The following C18orf54 variants were observed in gnomAD, a reference collection of about 807,000 sequenced individuals.
C18orf54 encodes the protein chromosome 18 open reading frame 54.
C18orf54 carries 49 observed loss-of-function variants against 49.3 expected under a neutral mutation model. The ratio of observed to expected loss-of-function variants is 0.99; its 90% CI spans 0.79 to 1.26. The LOEUF (loss-of-function observed/expected upper bound fraction) is 1.26, where lower values mean the gene tolerates loss of function less well. C18orf54 is among the 50% of genes most tolerant of loss of function. C18orf54 has a pLI of 0.00. For missense variants in C18orf54, 687 were observed against 620.6 expected, an observed-to-expected ratio of 1.11 and a Z score of -1.14; for synonymous variants, 211 against 216.6, an observed-to-expected ratio of 0.97 and a Z score of 0.23.
At chr18:54,376,565 C>A (rs1176021117) in intron 8 of C18orf54, among the ~76,000 whole-genome samples, 1 of 152,180 alleles carries the variant, frequency 6.6e-6, no homozygotes, top group Non-Finnish European at 1.5e-5. Context: ...AACTCCTGAC[C>A]TCAGGTGATC....
rs144542525 is a variant in C18orf54, at chr18:54,372,595, C to A, written c.1456C>A (p.Gln486Lys). The change falls in exon 7 of 9, where the codon CAA (glutamine) becomes AAA (lysine). Residue 486 changes from glutamine (Q) to lysine (K), a missense_variant and splice_region_variant. Coordinates refer to ENST00000620105, the MANE Select transcript of C18orf54 (RefSeq NM_001288980.2). The stretch of plus-strand genomic sequence containing the variant: ...CACAGATCCAAAAGAAGAGATTAAA[C>A]AAGTAAGCACAAACATGATTTATGA... ...KTTDPKEEIK[Q>K]VSEDDFSKLQ... 3 of 1,587,964 alleles carry A rather than the reference C, an allele frequency of 1.9e-6. No homozygotes were observed. In the Admixed American group the frequency reaches 5.3e-5, roughly 28 times the overall value.
intron 3 of C18orf54, among the ~76,000 whole-genome samples, chr18:54,361,325 T>G (rs1186089347): frequency 6.6e-6 from 1 of 152,194 alleles, no homozygotes; most frequent in African/African-American, 2.4e-5. Context: ...CAACCAATAT[T>G]GAGTGACCAA....
At position 54,360,636 on chromosome 18, in the gene C18orf54, G is replaced by A. The variant is rs776868526; in HGVS notation, c.64G>A (p.Ala22Thr). The change falls in exon 3 of 9, where the codon GCA (alanine) becomes ACA (threonine). Residue 22 changes from alanine to threonine, a missense_variant. Physicochemically the swap from Ala to Thr is moderately conservative, Grantham distance 58. Coordinates refer to ENST00000620105, the MANE Select transcript of C18orf54 (RefSeq NM_001288980.2). ...SQESSVSALL[A>T]SCTLSGSNSS... ...GGAATCTTCAGTATCTGCCCTGCTG[G>A]CAAGCTGCACCCTGAGTGGTAGTAA... 1.2e-6 allele frequency: 2 copies of A among 1,614,036 alleles called. No homozygotes were observed. Among genetic ancestry groups the A allele is most frequent in the East Asian group, 2.2e-5 (1 of 44,878 alleles).
At chr18:54,362,687 G>C (rs537547737) in intron 4 of C18orf54, 84 bp from the exon 5 acceptor site, 2 of 1,231,106 alleles carry the variant, frequency 1.6e-6, no homozygotes, top group Admixed American at 5.3e-5. Context: ...CAAATGATCA[G>C]AACTCTTGTT....
chr18:54,358,416 AT>A (rs2089191673), intron 1 of C18orf54, among the ~76,000 whole-genome samples: 1 of 152,196 alleles, frequency 6.6e-6, no homozygotes, highest in Non-Finnish European at 1.5e-5. Context: ...CCTTCAGTCC[AT>A]TGCTGCGCTC....
intron 8 of C18orf54, 75 bp from the exon 9 acceptor site, chr18:54,378,099 A>ATTTG (rs2089606116): frequency 8.9e-7 from 1 of 1,125,774 alleles, no homozygotes; most frequent in East Asian, 2.7e-5. Flanking sequence ...AACTTTATTT[A>ATTTG]TTTTTTTGCT....
In C18orf54 at chr18:54,360,639, A is replaced by C; in HGVS notation, c.67A>C (p.Ser23Arg). ...QESSVSALLA[S>R]CTLSGSNSSN... ...ATCTTCAGTATCTGCCCTGCTGGCA[A>C]GCTGCACCCTGAGTGGTAGTAATTC... Residue 23 changes from serine to arginine, a missense_variant, in exon 3 of 9, where the codon AGC (serine) becomes CGC (arginine). Coordinates refer to ENST00000620105, the MANE Select transcript of C18orf54 (RefSeq NM_001288980.2). 1 of 1,614,144 alleles carries C rather than the reference A, an allele frequency of 6.2e-7. No individual in the cohort carries two copies.
intron 5 of C18orf54, among the ~76,000 whole-genome samples, chr18:54,364,878 A>G (rs982016454): frequency 2.6e-5 from 4 of 152,064 alleles, no homozygotes; most frequent in African/African-American, 7.2e-5. Flanking sequence ...TGTAAATGTT[A>G]AAAAAAGATT....
chr18:54,377,708 A>T (rs990417335), intron 8 of C18orf54, among the ~76,000 whole-genome samples: 1 of 152,220 alleles, frequency 6.6e-6, no homozygotes, highest in African/African-American at 2.4e-5. Context: ...TCAGATCTGT[A>T]ACTAATCCTT....
chr18:54,362,809 AAT>A lies in C18orf54; in HGVS notation c.1112_1113del (p.Asn371ThrfsTer6). ...ATTGCTTATCTTGAAGGCCAAGAGA[AAT>A]CTAGAGCAGTGTACTGAAGAATTAC... The part of the protein sequence containing the change: ...IELLILKAKR[N>X]LEQCTEELPK... On this transcript the variant is annotated frameshift_variant, in exon 5 of 9. Coordinates refer to ENST00000620105, the MANE Select transcript of C18orf54 (RefSeq NM_001288980.2). LOFTEE classifies it high-confidence loss of function. 2 of 1,609,218 alleles carry A rather than the reference AAT, an allele frequency of 1.2e-6. No homozygotes were observed. Among genetic ancestry groups the A allele is most frequent in the South Asian group, 1.1e-5 (1 of 89,554 alleles).
intron 8 of C18orf54, 54 bp from the exon 9 acceptor site, chr18:54,378,120 G>A: frequency 2.2e-6 from 3 of 1,354,808 alleles, no homozygotes; most frequent in Non-Finnish European, 2.0e-6. Context: ...GTCTGCATTG[G>A]CTATTCAGTT....
intron 2 of C18orf54, among the ~76,000 whole-genome samples, 190 bp downstream of exon 2, chr18:54,359,060 A>G (rs1787836): frequency 0.067 from 10,182 of 152,238 alleles, 388 homozygotes; most frequent in African/African-American, 0.087. Flanking sequence ...TTTTGGGGAA[A>G]AGTTGGAAAA....
intron 5 of C18orf54, among the ~76,000 whole-genome samples, chr18:54,364,687 A>G (rs1339273737): frequency 7.6e-6 from 1 of 131,660 alleles, no homozygotes; most frequent in Admixed American, 8.1e-5. Flanking sequence ...GAATAGCATA[A>G]TGAACCTCTG....
chr18:54,373,682 T>G (rs1458886206), intron 7 of C18orf54, among the ~76,000 whole-genome samples: 1 of 151,834 alleles, frequency 6.6e-6, no homozygotes, highest in East Asian at 1.9e-4. Context: ...TGAGACAAAC[T>G]ATATAAAGTA....
At chr18:54,375,841 C>T (rs1199919810) in intron 8 of C18orf54, among the ~76,000 whole-genome samples, 1 of 151,978 alleles carries the variant, frequency 6.6e-6, no homozygotes, top group African/African-American at 2.4e-5. Context: ...CTTAATTTGT[C>T]TTTACATTTC....
At chr18:54,361,230 T>G (rs373152688) in intron 3 of C18orf54, among the ~76,000 whole-genome samples, 8 of 152,232 alleles carry the variant, frequency 5.3e-5, no homozygotes, top group African/African-American at 1.9e-4. Context: ...GTTCTCTATG[T>G]ATAATCCATG....
At chr18:54,375,813 T>A (rs891465185) in intron 8 of C18orf54, among the ~76,000 whole-genome samples, 1 of 152,152 alleles carries the variant, frequency 6.6e-6, no homozygotes, top group Non-Finnish European at 1.5e-5. Context: ...TTAATTCTGT[T>A]GTATTAACTG....
chr18:54,372,034 G>A (rs758255085), intron 6 of C18orf54, among the ~76,000 whole-genome samples: 8 of 152,002 alleles, frequency 5.3e-5, no homozygotes, highest in East Asian at 1.9e-4. Flanking sequence ...TGAAAAGCTA[G>A]CATTCTGTTA....
chr18:54,368,430 G>A (rs1340610935), intron 6 of C18orf54, among the ~76,000 whole-genome samples: 1 of 152,002 alleles, frequency 6.6e-6, no homozygotes, highest in Admixed American at 6.6e-5. Context: ...GTTTGGATTT[G>A]TCTGAAGTTT....
Sources: gnomAD v4.1 joint callset for allele counts (sites outside exome capture counted in the v4.1 genomes callset) on GRCh38, gnomAD v4.1.1 for gene constraint, MANE v1.5 for transcripts, NCBI Gene and HGNC (gene_info 2026-07-23, HGNC 2026-07-21) for gene names.